NEGR1: variants seen among roughly 807,000 people sequenced by gnomAD.
NEGR1 encodes the protein neuronal growth regulator 1, also known as IgLON family member 4.
In NEGR1, 10 loss-of-function variants were observed where a neutral mutation model predicts 40.9. The observed-to-expected ratio is 0.24, with a 90% confidence interval of 0.15 to 0.42. NEGR1 has a LOEUF of 0.42. NEGR1 is among the 10% of genes least tolerant of loss of function. The pLI, the probability that NEGR1 is intolerant of heterozygous loss-of-function variation, is 1.00. For missense variants in NEGR1, 352 were observed against 438.9 expected, an observed-to-expected ratio of 0.80 and a Z score of 1.77; for synonymous variants, 185 against 166.8, an observed-to-expected ratio of 1.11 and a Z score of -0.84.
intron 1 of NEGR1, among the ~76,000 whole-genome samples, chr1:72,089,233 C>T (rs918821424): frequency 6.6e-6 from 1 of 152,090 alleles, no homozygotes; most frequent in African/African-American, 2.4e-5. Context: ...ATGATGGAAC[C>T]ACTAGCTACC....
intron 3 of NEGR1, among the ~76,000 whole-genome samples, chr1:71,771,213 C>T (rs535132108): frequency 6.6e-6 from 1 of 152,214 alleles, no homozygotes; most frequent in Admixed American, 6.5e-5. Flanking sequence ...GAAAACCAAA[C>T]ACCACATGTT....
rs1357032304 is a variant in NEGR1 at position 71,599,232 on chromosome 1, A to C, written c.789-6264T>G. ...GATAGGTGTTATTGTTCAATGATAGAGTCTTTTTCCTAGAACAGATACATT... is the reference window on the plus strand; with the variant it reads ...GATAGGTGTTATTGTTCAATGATAGCGTCTTTTTCCTAGAACAGATACATT... On this transcript the variant is annotated intron_variant, in intron 5 of 6. Transcript: ENST00000357731. Among the ~76,000 whole-genome samples, 3 of 152,202 alleles carry C rather than the reference A, an allele frequency of 2.0e-5. No individual in the cohort carries two copies. In the East Asian group the frequency reaches 5.8e-4, roughly 29 times the overall value.
chr1:71,648,580 G>A (rs759032286), intron 4 of NEGR1, among the ~76,000 whole-genome samples: 8 of 151,896 alleles, frequency 5.3e-5, no homozygotes, highest in Non-Finnish European at 1.0e-4. Context: ...CTGGCTTTTC[G>A]AACAAGATGA....
chr1:72,067,525 GAAGAT>G (rs993669393), intron 1 of NEGR1, among the ~76,000 whole-genome samples: 1 of 152,034 alleles, frequency 6.6e-6, no homozygotes, highest in African/African-American at 2.4e-5. Context: ...ATAAAACTTT[GAAGAT>G]AAGGTACCAT....
chr1:71,622,189 C>T (rs1056626867), intron 4 of NEGR1, among the ~76,000 whole-genome samples: 9 of 151,768 alleles, frequency 5.9e-5, no homozygotes, highest in African/African-American at 1.7e-4. Context: ...AGCTGTTTGC[C>T]GAACTTTCTT....
chr1:71,658,858 A>T (rs988470285), intron 4 of NEGR1, among the ~76,000 whole-genome samples: 2 of 152,210 alleles, frequency 1.3e-5, no homozygotes, highest in Non-Finnish European at 2.9e-5. Context: ...TGTAGGTCAC[A>T]AAACTATTAT....
intron 6 of NEGR1, among the ~76,000 whole-genome samples, chr1:71,500,801 A>T (rs2101400284): frequency 6.6e-6 from 1 of 152,182 alleles, no homozygotes; most frequent in Non-Finnish European, 1.5e-5. Flanking sequence ...ATATACTTTT[A>T]ATCATCTCTA....
chr1:71,663,722 T>C (rs375807931), intron 4 of NEGR1, among the ~76,000 whole-genome samples: 1 of 152,210 alleles, frequency 6.6e-6, no homozygotes, highest in Non-Finnish European at 1.5e-5. Context: ...TTTAAATATC[T>C]CCGTGTGCCT....
chr1:71,975,683 C>T (rs1178622079), intron 1 of NEGR1, among the ~76,000 whole-genome samples: 1 of 152,210 alleles, frequency 6.6e-6, no homozygotes, highest in African/African-American at 2.4e-5. Context: ...ATCCCATACC[C>T]TCTTCACTGT....
intron 1 of NEGR1, among the ~76,000 whole-genome samples, chr1:72,252,047 T>C (rs1457716548): frequency 1.3e-5 from 2 of 152,168 alleles, no homozygotes; most frequent in Non-Finnish European, 2.9e-5. Flanking sequence ...TTTATTTTAT[T>C]TGAATCTTCC....
chr1:71,458,869 T>C (rs1430719816), intron 6 of NEGR1, among the ~76,000 whole-genome samples: 1 of 152,140 alleles, frequency 6.6e-6, no homozygotes, highest in Non-Finnish European at 1.5e-5. Flanking sequence ...CTTTCATGCC[T>C]CAGTATTTCT....
rs111533726 is a variant in NEGR1, at chr1:71,983,417, A to G, written c.177-48106T>C. On this transcript the variant is annotated intron_variant, in intron 1 of 6. Coordinates refer to ENST00000357731, the MANE Select transcript of NEGR1 (RefSeq NM_173808.3). ...TAAATAGCTTTTTATCTAGGGGCAA[A>G]CTCAAATAAAATAGAATTTTTTTTC... Among the ~76,000 whole-genome samples, 1,037 of 152,232 alleles carry G rather than the reference A, an allele frequency of 6.8e-3. 6 individuals are homozygous for G. Among genetic ancestry groups the G allele is most frequent in the Non-Finnish European group, 0.013 (852 of 67,976 alleles).
At chr1:71,549,369 G>T (rs1208758090) in intron 6 of NEGR1, among the ~76,000 whole-genome samples, 2 of 151,638 alleles carry the variant, frequency 1.3e-5, no homozygotes, top group African/African-American at 2.4e-5. Flanking sequence ...AACTTGGCGG[G>T]GAAAGAGAGT....
intron 3 of NEGR1, among the ~76,000 whole-genome samples, chr1:71,748,566 A>C (rs1655463164): frequency 6.6e-6 from 1 of 152,176 alleles, no homozygotes; most frequent in South Asian, 2.1e-4. Context: ...AAAACATATA[A>C]AAAGTTCAGA....
At chr1:72,124,019 T>C (rs1167350927) in intron 1 of NEGR1, among the ~76,000 whole-genome samples, 1 of 152,062 alleles carries the variant, frequency 6.6e-6, no homozygotes, top group Non-Finnish European at 1.5e-5. Flanking sequence ...AAATCTATCA[T>C]TTATATAGTT....
intron 6 of NEGR1, among the ~76,000 whole-genome samples, chr1:71,425,269 G>T (rs911752925): frequency 6.6e-6 from 1 of 152,128 alleles, no homozygotes; most frequent in African/African-American, 2.4e-5. Flanking sequence ...AGGCAAGGCC[G>T]AATCTCTCTT....
intron 1 of NEGR1, among the ~76,000 whole-genome samples, chr1:71,982,464 A>T (rs986884869): frequency 1.4e-4 from 21 of 151,954 alleles, no homozygotes; most frequent in Admixed American, 9.2e-4. Context: ...TTTTGTCAAC[A>T]CTCTTTTCAT....
intron 2 of NEGR1, among the ~76,000 whole-genome samples, chr1:71,844,413 C>A (rs528396505): frequency 6.6e-6 from 1 of 152,240 alleles, no homozygotes; most frequent in East Asian, 1.9e-4. Context: ...ATCAGTTTTA[C>A]TTATGGTTTT....
In NEGR1 at chr1:71,402,654, C is replaced by A. The variant is rs572320196; in HGVS notation, c.*4792G>T. 1 of 152,030 alleles carries A rather than the reference C, an allele frequency of 6.6e-6. No homozygotes were observed. The highest frequency in any genetic ancestry group is 1.5e-5 in the Non-Finnish European group (1 of 67,980). The allele number at this position is 152,030 out of a possible 1,614,324, so 9.4% of individuals were successfully genotyped here. A position where few individuals can be genotyped will look rare whatever the true frequency, so the allele number is the denominator to read the frequency against. Reference sequence around the variant, plus strand: ...GGAAAGTTCAGAGGGAGTACATTGACGGGTGTTTGGATCAAATTCCACTAA... The same window carrying A: ...GGAAAGTTCAGAGGGAGTACATTGAAGGGTGTTTGGATCAAATTCCACTAA... On this transcript the variant is annotated 3_prime_UTR_variant, in exon 7 of 7. Transcript: ENST00000357731.
Sources: gnomAD v4.1 joint callset for allele counts (sites outside exome capture counted in the v4.1 genomes callset) on GRCh38, gnomAD v4.1.1 for gene constraint, MANE v1.5 for transcripts, NCBI Gene and HGNC (gene_info 2026-07-23, HGNC 2026-07-21) for gene names.